Variants in TRIOBP observed in about 807,000 individuals in gnomAD.
The protein encoded by TRIOBP is TRIO and F-actin-binding protein.
Under a neutral mutation model 238.8 loss-of-function variants are expected in TRIOBP, and 169 were observed. The ratio of observed to expected loss-of-function variants is 0.71; its 90% CI spans 0.62 to 0.80. The LOEUF (loss-of-function observed/expected upper bound fraction) is 0.80. TRIOBP is among the 30% of genes least tolerant of loss of function. TRIOBP has a pLI of 0.00. For synonymous variants in TRIOBP, 1,150 were observed against 1,274.4 expected (o/e 0.90, Z 2.08); for missense variants, 2,838 against 3,122.6 (o/e 0.91, Z 2.17).
intron 16 of TRIOBP, among the ~76,000 whole-genome samples, chr22:37,758,674 T>C (rs1307835046): frequency 7.0e-6 from 1 of 143,108 alleles, no homozygotes; most frequent in Non-Finnish European, 1.5e-5. Context: ...CCCGACTTTG[T>C]CTCAGATTAA....
chr22:37,749,133 T>A (rs1925436400), intron 11 of TRIOBP, among the ~76,000 whole-genome samples: 1 of 151,982 alleles, frequency 6.6e-6, no homozygotes, highest in South Asian at 2.1e-4. Context: ...GGTGGATGGA[T>A]CACTTGAGGT....
intron 7 of TRIOBP, among the ~76,000 whole-genome samples, chr22:37,730,364 A>G (rs139468730): frequency 5.3e-5 from 8 of 152,210 alleles, no homozygotes; most frequent in Non-Finnish European, 1.2e-4. Context: ...TCAGTTCTAC[A>G]TGGGGGAAAA....
At chr22:37,727,218 G>C (rs1343184587) in intron 7 of TRIOBP, among the ~76,000 whole-genome samples, 2 of 150,194 alleles carry the variant, frequency 1.3e-5, no homozygotes, top group Non-Finnish European at 3.0e-5. Flanking sequence ...CAAAATGAGA[G>C]TGAACTCTCA....
chr22:37,746,277 G>A (rs1327366953), intron 11 of TRIOBP: 2 of 1,086,374 alleles, frequency 1.8e-6, no homozygotes, highest in African/African-American at 1.7e-5. Flanking sequence ...TCGGGGAAAG[G>A]AAGGGCCGGA....
rs115382162 is a variant in TRIOBP, at chr22:37,754,829, A to G, written c.5380-48A>G. 4.0e-3 allele frequency: 6,304 copies of G among 1,587,318 alleles called. 244 individuals carry two copies. In the African/African-American group the frequency reaches 0.077, roughly 19 times the overall value. On this transcript the variant is annotated intron_variant, in intron 12 of 23. Transcript: ENST00000644935. ...AGTGAGTTTGGCAGCCACACAGGAC[A>G]CCTGTACAATCACACACACTGGCTC...
chr22:37,724,899 C>T lies in TRIOBP; in HGVS notation c.2343C>T (p.Ser781=), dbSNP rs377056124. ...CCCGACAGGACAATCCCAGGACCTC[C>T]TCTCCCAATAGAGCCACACGAGACA... ...SCTRQDNPRT[S]SPNRATRDNP... The change falls in exon 7 of 24, where the codon TCC becomes TCT. Residue 781 remains serine (S), a synonymous_variant. Transcript: ENST00000644935. 3.7e-6 allele frequency: 6 copies of T among 1,606,974 alleles called. No individual in the cohort carries two copies. The highest frequency in any genetic ancestry group is 2.8e-5 in the African/African-American group (2 of 72,430).
In TRIOBP at chr22:37,710,415, A is replaced by G; in HGVS notation, c.115-12A>G. 1 of 1,613,074 alleles carries G rather than the reference A, an allele frequency of 6.2e-7. No individual in the cohort carries two copies. The highest frequency in any genetic ancestry group is 8.5e-7 in the Non-Finnish European group (1 of 1,179,962). Reference sequence around the variant, plus strand: ...GGCGCTGAGCTGTCTCCTCTCTCCAACCCTGGCCCAGGAGCTCAGGAGCCC... The same window carrying G: ...GGCGCTGAGCTGTCTCCTCTCTCCAGCCCTGGCCCAGGAGCTCAGGAGCCC... On this transcript the variant is annotated splice_polypyrimidine_tract_variant and intron_variant, in intron 3 of 23. Transcript: ENST00000644935.
Position 37,723,339 on chromosome 22 carries a change from T to G in TRIOBP, c.783T>G (p.Pro261=). The change falls in exon 7 of 24, where the codon CCT becomes CCG. Residue 261 remains proline (P), a synonymous_variant. Transcript: ENST00000644935. ...GPRSTTSQAS[P]AQRDTAQAAS... The stretch of plus-strand genomic sequence containing the variant: ...GAAGCACCACGTCTCAGGCTTCTCC[T>G]GCCCAAAGGGACACTGCTCAGGCTG... The G allele has an allele frequency of 2.5e-6, 4 of 1,614,086 alleles. No homozygotes were observed. The highest frequency in any genetic ancestry group is 3.4e-6 in the Non-Finnish European group (4 of 1,179,990).
intron 11 of TRIOBP, among the ~76,000 whole-genome samples, chr22:37,747,392 G>A (rs542015381): frequency 1.3e-5 from 2 of 152,156 alleles, no homozygotes; most frequent in Admixed American, 6.5e-5. Flanking sequence ...TGAGCAGGGT[G>A]TGTGTGTGCA....
intron 11 of TRIOBP, among the ~76,000 whole-genome samples, chr22:37,747,454 GTGGGCTGCTGGGGGCGGGC>G (rs1246467795): frequency 3.3e-5 from 5 of 151,944 alleles, no homozygotes; most frequent in Admixed American, 6.5e-5. Flanking sequence ...GGAGGAGTGG[GTGGGCTGCTGGGGGCGGGC>G]TGGGCTGCTG....
chr22:37,729,123 G>C (rs1398233142), intron 7 of TRIOBP, among the ~76,000 whole-genome samples: 1 of 152,050 alleles, frequency 6.6e-6, no homozygotes, highest in Non-Finnish European at 1.5e-5. Flanking sequence ...TCACCCTGTT[G>C]CCCAGGCTAG....
At chr22:37,737,415 AC>A (rs756917113) in intron 9 of TRIOBP, among the ~76,000 whole-genome samples, 2 of 152,056 alleles carry the variant, frequency 1.3e-5, no homozygotes, top group Non-Finnish European at 2.9e-5. Flanking sequence ...TAATCCCAGC[AC>A]TTTGGGAGGC....
In TRIOBP at chr22:37,734,788, C is replaced by T; in HGVS notation, c.4452C>T (p.Tyr1484=). 3.1e-6 allele frequency: 5 copies of T among 1,612,120 alleles called. No homozygotes were observed. Among genetic ancestry groups the T allele is most frequent in the East Asian group, 2.2e-5 (1 of 44,842 alleles). Residue 1484 remains tyrosine, a synonymous_variant, in exon 9 of 24, where the codon TAC becomes TAT. Coordinates refer to ENST00000644935, the MANE Select transcript of TRIOBP (RefSeq NM_001039141.3). ...CATGGGGGGGCACTTCCAGGGAGTA[C>T]AAGGAGAGCTGGGGGCAGCCAGAGG... ...EGAWGGTSRE[Y]KESWGQPEAW...
Position 37,726,215 on chromosome 22 carries a change from A to G in TRIOBP, c.3659A>G (p.His1220Arg). The change falls in exon 7 of 24, where the codon CAC (histidine) becomes CGC (arginine). Residue 1220 changes from histidine (H) to arginine (R), a missense_variant. Transcript: ENST00000644935. ...PVLIPQVCIGHRDAPRASSPP... is the reference protein window; with the variant it reads ...PVLIPQVCIGRRDAPRASSPP... ...CTGATCCCCCAAGTGTGCATCGGGC[A>G]CCGGGATGCACCCCGAGCCTCCTCC... is the stretch of plus-strand genomic sequence containing the variant. 6.2e-7 allele frequency: 1 copy of G among 1,600,978 alleles called. No individual in the cohort carries two copies. Among genetic ancestry groups the G allele is most frequent in the Non-Finnish European group, 8.5e-7 (1 of 1,174,142 alleles).
intron 11 of TRIOBP, chr22:37,746,510 C>A: frequency 1.7e-6 from 2 of 1,152,858 alleles, no homozygotes; most frequent in Non-Finnish European, 2.2e-6. Flanking sequence ...CGGGGCAGCC[C>A]CCTCCTCATT....
At chr22:37,707,655 A>C (rs989950081) in intron 3 of TRIOBP, among the ~76,000 whole-genome samples, 2 of 151,924 alleles carry the variant, frequency 1.3e-5, no homozygotes, top group African/African-American at 4.8e-5. Context: ...TAAAAAAAAA[A>C]AATTGGCTGG....
At chr22:37,773,030 T>A (rs1926861095) in intron 23 of TRIOBP, among the ~76,000 whole-genome samples, 1 of 152,174 alleles carries the variant, frequency 6.6e-6, no homozygotes, top group African/African-American at 2.4e-5. Context: ...GCACCCCCCT[T>A]CTTGGGGCTG....
At chr22:37,716,260 C>T (rs538711541) in intron 6 of TRIOBP, among the ~76,000 whole-genome samples, 4 of 151,972 alleles carry the variant, frequency 2.6e-5, no homozygotes, top group Admixed American at 6.6e-5. Context: ...TACAGGCTCC[C>T]GCCACCATGC....
chr22:37,715,680 T>A, intron 5 of TRIOBP, 83 bp from the exon 6 acceptor site: 1 of 1,503,564 alleles, frequency 6.7e-7, no homozygotes, highest in South Asian at 1.2e-5. Context: ...CTTCCCTTCC[T>A]TCTGCCCCTC....
Sources: allele counts gnomAD v4.1 joint callset (sites outside exome capture counted in the v4.1 genomes callset), GRCh38; gene constraint gnomAD v4.1.1; transcripts MANE v1.5; gene names NCBI Gene and HGNC (gene_info 2026-07-23, HGNC 2026-07-21).